The following CCBE1 variants were observed in gnomAD, a reference collection of about 807,000 sequenced individuals.
CCBE1 encodes collagen and calcium-binding EGF domain-containing protein 1.
In CCBE1, 37 loss-of-function variants were observed where a neutral mutation model predicts 50.0. The observed-to-expected ratio is 0.74, with a 90% confidence interval of 0.57 to 0.97. The LOEUF is 0.97. CCBE1 is among the 50% of genes least tolerant of loss of function. The pLI is 0.00. For synonymous variants in CCBE1, 234 were observed against 203.7 expected, an observed-to-expected ratio of 1.15 and a Z score of -1.27; for missense variants, 538 against 523.8, an observed-to-expected ratio of 1.03 and a Z score of -0.26.
At chr18:59,666,826 G>A (rs2054364023) in intron 2 of CCBE1, among the ~76,000 whole-genome samples, 1 of 152,134 alleles carries the variant, frequency 6.6e-6, no homozygotes, top group African/African-American at 2.4e-5. Context: ...CTAGCTGGGT[G>A]TGGTGGTGCG....
intron 2 of CCBE1, among the ~76,000 whole-genome samples, chr18:59,631,251 A>G (rs1260855898): frequency 6.6e-6 from 1 of 152,106 alleles, no homozygotes; most frequent in Non-Finnish European, 1.5e-5. Context: ...AGAGGGGAGC[A>G]CCAGAAAGTA....
At chr18:59,684,827 C>A (rs548243108) in intron 2 of CCBE1, among the ~76,000 whole-genome samples, 1 of 152,126 alleles carries the variant, frequency 6.6e-6, no homozygotes, top group African/African-American at 2.4e-5. Flanking sequence ...CCACAGAAAG[C>A]ATTATGTTGT....
At chr18:59,454,225 T>C (rs1323450814) in intron 6 of CCBE1, among the ~76,000 whole-genome samples, 1 of 152,150 alleles carries the variant, frequency 6.6e-6, no homozygotes, top group African/African-American at 2.4e-5. Flanking sequence ...TTCCATAATC[T>C]ATGGACTTTC....
intron 5 of CCBE1, among the ~76,000 whole-genome samples, chr18:59,458,597 T>G (rs1911315140): frequency 6.6e-6 from 1 of 152,222 alleles, no homozygotes; most frequent in Non-Finnish European, 1.5e-5. Flanking sequence ...GACAGTGAGA[T>G]CCAGAGAGAG....
Position 59,469,508 on chromosome 18 carries a change from T to A in CCBE1, c.365A>T (p.Glu122Val). The change falls in exon 4 of 11, where the codon GAG becomes GTG. Residue 122 changes from glutamate (E) to valine (V), a missense_variant. Glu to Val is a moderately radical substitution (Grantham distance 121). Transcript: ENST00000439986. Reference protein sequence around the residue: ...TCYPGYRYDRERHRKREKPYC... With the variant: ...TCYPGYRYDRVRHRKREKPYC... Reference sequence around the variant, plus strand: ...TGGCTTCTCCCGCTTCCGGTGTCTCTCCCGGTCATATCGGTATCCCGGATA... The same window carrying A: ...TGGCTTCTCCCGCTTCCGGTGTCTCACCCGGTCATATCGGTATCCCGGATA... The A allele has an allele frequency of 1.9e-6, 3 of 1,614,162 alleles. No homozygotes were observed. The highest frequency in any genetic ancestry group is 2.5e-6 in the Non-Finnish European group (3 of 1,180,030).
chr18:59,680,653 G>A (rs1195265153), intron 2 of CCBE1, among the ~76,000 whole-genome samples: 1 of 151,030 alleles, frequency 6.6e-6, no homozygotes, highest in Non-Finnish European at 1.5e-5. Flanking sequence ...AGCCGAGATT[G>A]CTGCCACTGC....
intron 3 of CCBE1, among the ~76,000 whole-genome samples, chr18:59,476,913 A>AAGTGGG (rs1912332816): frequency 6.6e-6 from 1 of 152,196 alleles, no homozygotes. Context: ...CAAGGGGTGG[A>AAGTGGG]AGTGGGAGTG....
At chr18:59,480,684 A>G (rs1044664514) in intron 2 of CCBE1, among the ~76,000 whole-genome samples, 15 of 152,196 alleles carry the variant, frequency 9.9e-5, no homozygotes, top group African/African-American at 3.6e-4. Flanking sequence ...ATTGTAATAT[A>G]ACAATAATTA....
intron 2 of CCBE1, among the ~76,000 whole-genome samples, chr18:59,566,803 C>T (rs1323965835): frequency 6.6e-6 from 1 of 152,062 alleles, no homozygotes; most frequent in Non-Finnish European, 1.5e-5. Context: ...CCGCTGCTGC[C>T]CCAACCCCCA....
Position 59,696,633 on chromosome 18 carries a change from A to G in CCBE1, c.208T>C (p.Tyr70His). ...CCGCAGAGCCCCCAGGCTTACCTGT[A>G]GCATGTGGTGAGCTCGCCTGAAGAC... ...LKSSGELTTC[Y>H]RKKCCKGYKF... The change falls in exon 2 of 11, where the codon TAC (tyrosine) becomes CAC (histidine). Residue 70 changes from tyrosine (Y) to histidine (H), a missense_variant. Coordinates refer to ENST00000439986, the MANE Select transcript of CCBE1 (RefSeq NM_133459.4). 6.2e-7 allele frequency: 1 copy of G among 1,613,994 alleles called. No homozygotes were observed. Among genetic ancestry groups the G allele is most frequent in the Non-Finnish European group, 8.5e-7 (1 of 1,179,936 alleles).
At chr18:59,697,598 A>G, upstream of CCBE1, 1 of 493,754 alleles carries the variant, frequency 2.0e-6, no homozygotes, top group Non-Finnish European at 3.6e-6. Context: ...GGCTGGCGCG[A>G]GGGCCCTGAG....
At chr18:59,625,127 G>C (rs923870033) in intron 2 of CCBE1, among the ~76,000 whole-genome samples, 2 of 152,212 alleles carry the variant, frequency 1.3e-5, no homozygotes, top group African/African-American at 4.8e-5. Context: ...GGTCAACACA[G>C]TGGTATAAAA....
chr18:59,473,819 CCT>C (rs1912173361), intron 3 of CCBE1, among the ~76,000 whole-genome samples: 2 of 72,960 alleles, frequency 2.7e-5, no homozygotes, highest in Non-Finnish European at 6.3e-5. Flanking sequence ...ACTATTCCCC[CCT>C]ACTACTCACC....
intron 2 of CCBE1, among the ~76,000 whole-genome samples, chr18:59,665,905 A>G (rs115315263): frequency 0.016 from 2,436 of 152,304 alleles, 73 homozygotes; most frequent in African/African-American, 0.054. Flanking sequence ...GTTCACACAC[A>G]TGTATAGAAT....
At chr18:59,691,396 G>GT (rs747048858) in intron 2 of CCBE1, among the ~76,000 whole-genome samples, 23 of 151,672 alleles carry the variant, frequency 1.5e-4, no homozygotes, top group South Asian at 4.2e-4. Context: ...TTCTTCACAA[G>GT]ATTTTTTGTT....
chr18:59,469,343 G>T, intron 4 of CCBE1, 130 bp downstream of exon 4: 2 of 1,249,996 alleles, frequency 1.6e-6, no homozygotes, highest in Non-Finnish European at 2.3e-6. Flanking sequence ...GCAGTGATAA[G>T]CTATCCCTAG....
intron 2 of CCBE1, among the ~76,000 whole-genome samples, chr18:59,542,235 T>C (rs1466080029): frequency 1.5e-5 from 2 of 136,302 alleles, no homozygotes; most frequent in Non-Finnish European, 3.2e-5. Flanking sequence ...GCTTTCTCAG[T>C]GCTGCCTGGG....
chr18:59,594,770 C>T (rs955464384), intron 2 of CCBE1, among the ~76,000 whole-genome samples: 1 of 151,988 alleles, frequency 6.6e-6, no homozygotes, highest in Non-Finnish European at 1.5e-5. Context: ...GGATGAAAGG[C>T]GGCATTCTAT....
At chr18:59,678,565 C>T (rs1030592800) in intron 2 of CCBE1, among the ~76,000 whole-genome samples, 1 of 152,140 alleles carries the variant, frequency 6.6e-6, no homozygotes, top group Admixed American at 6.5e-5. Flanking sequence ...TGGAGTCTCA[C>T]TCTGTTGCCC....
Sources: gnomAD v4.1 joint callset for allele counts (sites outside exome capture counted in the v4.1 genomes callset) on GRCh38, gnomAD v4.1.1 for gene constraint, MANE v1.5 for transcripts, NCBI Gene and HGNC (gene_info 2026-07-23, HGNC 2026-07-21) for gene names.